The following MEAK7 variants were observed in gnomAD, a reference collection of about 807,000 sequenced individuals.
MEAK7 encodes MTOR-associated protein MEAK7.
Under a neutral mutation model 40.5 loss-of-function variants are expected in MEAK7, and 68 were observed. The ratio of observed to expected loss-of-function variants is 1.68; its 90% confidence interval spans 1.38 to 2.06. The LOEUF (loss-of-function observed/expected upper bound fraction) is 2.06, where lower values mean the gene tolerates loss of function less well. Among genes scored for constraint, MEAK7 ranks in the 30% most tolerant of loss-of-function variants. The pLI is 0.00. For synonymous variants in MEAK7, 338 were observed against 231.9 expected (o/e 1.46, Z -4.16); for missense variants, 918 against 580.5 (o/e 1.58, Z -5.98).
intron 1 of MEAK7, among the ~76,000 whole-genome samples, chr16:84,501,831 G>C (rs902355142): frequency 6.6e-6 from 1 of 152,288 alleles, no homozygotes; most frequent in Middle Eastern, 3.4e-3. Flanking sequence ...CGTCTCCTTT[G>C]AGAGCCCCGT....
intron 4 of MEAK7, chr16:84,488,549 A>G (rs903770578): frequency 5.3e-5 from 8 of 152,334 alleles, no homozygotes; most frequent in African/African-American, 1.9e-4. Flanking sequence ...GCCATAAATG[A>G]TGCATCAACA....
chr16:84,497,399 C>G (rs1914136709), intron 2 of MEAK7: 3 of 1,270,198 alleles, frequency 2.4e-6, no homozygotes, highest in Non-Finnish European at 2.0e-6. Context: ...TCATGAAATT[C>G]CTAGCCATCA....
intron 1 of MEAK7, among the ~76,000 whole-genome samples, 170 bp downstream of exon 1, chr16:84,504,431 C>A (rs1266615166): frequency 1.3e-5 from 2 of 151,480 alleles, no homozygotes; most frequent in African/African-American, 4.8e-5. Context: ...CCCCTCACCT[C>A]CCCGCAGCCT....
chr16:84,502,321 G>C (rs1914570105), intron 1 of MEAK7, among the ~76,000 whole-genome samples: 1 of 138,418 alleles, frequency 7.2e-6, no homozygotes, highest in Admixed American at 7.7e-5. Context: ...CTAGCAGGCA[G>C]AGGCCAGGGA....
At chr16:84,491,279 A>G (rs1032513954) in intron 3 of MEAK7, among the ~76,000 whole-genome samples, 2 of 152,132 alleles carry the variant, frequency 1.3e-5, no homozygotes, top group Admixed American at 1.3e-4. Flanking sequence ...ATCTCTAAAA[A>G]TACAAAAATT....
intron 5 of MEAK7, among the ~76,000 whole-genome samples, chr16:84,483,786 T>C (rs1282523183): frequency 6.6e-6 from 1 of 152,072 alleles, no homozygotes; most frequent in African/African-American, 2.4e-5. Context: ...CAGAGCTGGC[T>C]GGGGCAAGAG....
chr16:84,495,534 C>T (rs1196348490), intron 3 of MEAK7, 149 bp downstream of exon 3: 1 of 727,154 alleles, frequency 1.4e-6, no homozygotes, highest in Admixed American at 2.6e-5. Flanking sequence ...ATGCCCTTAA[C>T]CTTGGCAAAA....
intron 3 of MEAK7, among the ~76,000 whole-genome samples, chr16:84,492,270 C>A (rs1453615482): frequency 3.9e-5 from 6 of 152,144 alleles, no homozygotes; most frequent in African/African-American, 1.4e-4. Context: ...ACAAGGTTTT[C>A]TTGGAGCATA....
chr16:84,481,905 G>T (rs377392932), intron 6 of MEAK7, among the ~76,000 whole-genome samples: 75 of 152,256 alleles, frequency 4.9e-4, no homozygotes, highest in African/African-American at 1.6e-3. Flanking sequence ...CTGCACTCCA[G>T]CCTGGACAAG....
intron 5 of MEAK7, 116 bp downstream of exon 5, chr16:84,486,515 G>A: frequency 6.8e-7 from 1 of 1,466,726 alleles, no homozygotes; most frequent in Non-Finnish European, 9.0e-7. Context: ...ACTGCGTCTA[G>A]AGAAACACTT....
chr16:84,478,268 G>C lies in MEAK7; in HGVS notation c.*1645C>G, dbSNP rs553979169. ...ATTACAAACTGGCTAAGGAAAATCAGTCATGACTAAGTCCTTGTCTGCATC... is the reference window on the plus strand; with the variant it reads ...ATTACAAACTGGCTAAGGAAAATCACTCATGACTAAGTCCTTGTCTGCATC... On this transcript the variant is annotated 3_prime_UTR_variant, in exon 8 of 8. Coordinates refer to ENST00000343629, the MANE Select transcript of MEAK7 (RefSeq NM_020947.4). The C allele has an allele frequency of 6.6e-6, 1 of 152,154 alleles. No individual in the cohort carries two copies. The highest frequency in any genetic ancestry group is 2.4e-5 in the African/African-American group (1 of 41,426). 9.4% of individuals were successfully genotyped at this position (152,154 alleles called of 1,614,324 possible).
intron 2 of MEAK7, 74 bp from the exon 3 acceptor site, chr16:84,495,987 A>T: frequency 6.6e-7 from 1 of 1,514,842 alleles, no homozygotes; most frequent in Non-Finnish European, 9.0e-7. Flanking sequence ...TTATTATTTT[A>T]GGCAGATAGA....
At chr16:84,485,431 C>A (rs1310219991) in intron 5 of MEAK7, among the ~76,000 whole-genome samples, 1 of 152,192 alleles carries the variant, frequency 6.6e-6, no homozygotes, top group African/African-American at 2.4e-5. Context: ...GAAAGCTCTC[C>A]TGCAAGGGCA....
chr16:84,489,163 G>C, intron 4 of MEAK7, 115 bp downstream of exon 4: 1 of 1,338,580 alleles, frequency 7.5e-7, no homozygotes, highest in Admixed American at 3.1e-5. Flanking sequence ...CTAGAAGAAG[G>C]TTCGAGGGCT....
rs1912180269 is a variant in MEAK7, at chr16:84,477,809, G to T, written c.*2104C>A. On this transcript the variant is annotated 3_prime_UTR_variant, in exon 8 of 8. Transcript: ENST00000343629. ...CCTAAAAAGGTTTGAGTGTCCAGAG[G>T]CAGAACCGTGCACCAAGAGAAGCCC... 1 of 152,180 alleles carries T rather than the reference G, an allele frequency of 6.6e-6. No homozygotes were observed. Among genetic ancestry groups the T allele is most frequent in the Non-Finnish European group, 1.5e-5 (1 of 68,068 alleles). The allele number at this position is 152,180 out of a possible 1,614,324, so 9.4% of individuals were successfully genotyped here.
chr16:84,489,724 G>A (rs545820330), intron 3 of MEAK7, among the ~76,000 whole-genome samples: 2 of 152,150 alleles, frequency 1.3e-5, no homozygotes, highest in Non-Finnish European at 2.9e-5. Flanking sequence ...CCAACAGGAT[G>A]ATTTGCTGAG....
At chr16:84,504,241 G>A (rs1914715478) in intron 1 of MEAK7, 1 of 806,252 alleles carries the variant, frequency 1.2e-6, no homozygotes, top group Admixed American at 6.2e-5. Flanking sequence ...CTCCTCCGTG[G>A]AGGCACCCCT....
chr16:84,500,764 C>T (rs930102208), intron 1 of MEAK7, among the ~76,000 whole-genome samples: 2 of 152,144 alleles, frequency 1.3e-5, no homozygotes, highest in African/African-American at 4.8e-5. Context: ...AACAGAGGGG[C>T]TGCACCGGCT....
At chr16:84,484,365 C>T (rs1219588314) in intron 5 of MEAK7, among the ~76,000 whole-genome samples, 2 of 152,172 alleles carry the variant, frequency 1.3e-5, no homozygotes, top group Non-Finnish European at 1.5e-5. Flanking sequence ...GCTCGGCCGC[C>T]GAGGAGCTGC....
Sources: gnomAD v4.1 joint callset for allele counts (sites outside exome capture counted in the v4.1 genomes callset) on GRCh38, gnomAD v4.1.1 for gene constraint, MANE v1.5 for transcripts, NCBI Gene and HGNC (gene_info 2026-07-23, HGNC 2026-07-21) for gene names.